The following PLB1 variants were observed in gnomAD, a reference collection of about 807,000 sequenced individuals.
PLB1 encodes the protein phospholipase B1.
PLB1 carries 242 observed loss-of-function variants against 227.4 expected under a neutral mutation model. That is an observed-to-expected ratio of 1.06 (90% CI 0.96 to 1.18). PLB1 has a LOEUF of 1.18. Ranked by LOEUF, PLB1 falls within the 50% of genes most tolerant of loss-of-function variation. The pLI is 0.00. For missense variants in PLB1, 1,858 were observed against 1,816.3 expected (o/e 1.02, Z -0.42); for synonymous variants, 757 against 682.2 (o/e 1.11, Z -1.71).
intron 53 of PLB1, among the ~76,000 whole-genome samples, chr2:28,629,743 C>T (rs1365081377): frequency 1.3e-5 from 2 of 152,192 alleles, no homozygotes; most frequent in African/African-American, 4.8e-5. Context: ...CTTGATGGGG[C>T]CTGTCCTTGA....
chr2:28,601,207 A>G (rs918807376), intron 36 of PLB1, 45 bp from the exon 37 acceptor site: 1 of 1,511,904 alleles, frequency 6.6e-7, no homozygotes, highest in South Asian at 1.1e-5. Flanking sequence ...GGATATTTTC[A>G]TTTCCTTGTT....
intron 35 of PLB1, among the ~76,000 whole-genome samples, chr2:28,600,027 C>T (rs1683616644): frequency 6.6e-6 from 1 of 152,174 alleles, no homozygotes; most frequent in Admixed American, 6.5e-5. Context: ...CCCACCTCAG[C>T]CTCCCTAGTA....
At chr2:28,576,528 G>A (rs1271770461) in intron 21 of PLB1, among the ~76,000 whole-genome samples, 12 of 152,176 alleles carry the variant, frequency 7.9e-5, no homozygotes, top group African/African-American at 2.9e-4. Context: ...TCAGGAGTTC[G>A]AGATCAGTCT....
At chr2:28,577,042 G>T (rs1679078735) in intron 21 of PLB1, among the ~76,000 whole-genome samples, 1 of 152,216 alleles carries the variant, frequency 6.6e-6, no homozygotes, top group African/African-American at 2.4e-5. Flanking sequence ...CATACTACGT[G>T]CCAAGCACTG....
At chr2:28,520,183 C>T (rs1218447593) in intron 4 of PLB1, among the ~76,000 whole-genome samples, 1 of 151,834 alleles carries the variant, frequency 6.6e-6, no homozygotes, top group Admixed American at 6.6e-5. Flanking sequence ...CCGCCTTGGC[C>T]CCCCAAAGTG....
chr2:28,600,914 T>G, intron 36 of PLB1, 54 bp downstream of exon 36: 1 of 1,510,282 alleles, frequency 6.6e-7, no homozygotes, highest in Non-Finnish European at 9.1e-7. Context: ...CCACTAAAGT[T>G]GTCTCCAAAC....
chr2:28,522,731 A>T (rs570133471), intron 4 of PLB1, among the ~76,000 whole-genome samples: 2 of 152,266 alleles, frequency 1.3e-5, no homozygotes, highest in Non-Finnish European at 2.9e-5. Flanking sequence ...CCCCCTTCTC[A>T]GGAACACGAC....
intron 43 of PLB1, among the ~76,000 whole-genome samples, chr2:28,609,474 T>A (rs1685136777): frequency 6.6e-6 from 1 of 152,018 alleles, no homozygotes; most frequent in African/African-American, 2.4e-5. Context: ...AGTTCATGTA[T>A]CATACCCTAT....
intron 56 of PLB1, among the ~76,000 whole-genome samples, chr2:28,636,953 C>G (rs1689434420): frequency 6.6e-6 from 1 of 152,046 alleles, no homozygotes; most frequent in South Asian, 2.1e-4. Context: ...ATCTGTTGCT[C>G]ACTTATGATT....
chr2:28,624,047 G>T (rs146172780), intron 49 of PLB1, among the ~76,000 whole-genome samples: 4 of 152,144 alleles, frequency 2.6e-5, no homozygotes, highest in African/African-American at 9.7e-5. Flanking sequence ...GCAGTGAGCC[G>T]TGATCACACC....
At chr2:28,545,509 A>G (rs1203214743) in intron 14 of PLB1, among the ~76,000 whole-genome samples, 1 of 151,400 alleles carries the variant, frequency 6.6e-6, no homozygotes, top group African/African-American at 2.4e-5. Flanking sequence ...GAGCCAGAAA[A>G]CCCGGGCTCT....
Position 28,566,690 on chromosome 2 carries a change from C to A in PLB1, c.1281-106C>A, listed in dbSNP as rs1276273310. On this transcript the variant is annotated intron_variant, in intron 19 of 57. Transcript: ENST00000327757. The stretch of plus-strand genomic sequence containing the variant: ...GATGGGGAAAGTGCAAGCTCCAGGC[C>A]CCCGGGCTGTTTCTCGGGAGACGGG... 13 of 1,280,526 alleles carry A rather than the reference C, an allele frequency of 1.0e-5. No homozygotes were observed. In the East Asian group the frequency reaches 2.3e-4, roughly 23 times the overall value. 79.3% of individuals were successfully genotyped at this position (1,280,526 alleles called of 1,614,324 possible). A position where few individuals can be genotyped will look rare whatever the true frequency, so the allele number is the denominator to read the frequency against.
At chr2:28,578,075 C>T (rs748692286) in intron 21 of PLB1, 32 bp from the exon 22 acceptor site, 2 of 1,611,390 alleles carry the variant, frequency 1.2e-6, no homozygotes, top group Non-Finnish European at 1.7e-6. Context: ...GTCCCCACTC[C>T]TCACAGCACT....
At position 28,630,640 on chromosome 2, in the gene PLB1, G is replaced by A; in HGVS notation, c.3873G>A (p.Leu1291=). Residue 1291 remains leucine, a synonymous_variant, in exon 54 of 58, where the codon CTG becomes CTA. Transcript: ENST00000327757. ...HSQSSLEKQE[L]KKVNWNLQHG... ...AAAGCTCCCTGGAGAAGCAAGAACTGAAGAAAGTGAACTGGAACCTCCAGG... is the reference window on the plus strand; with the variant it reads ...AAAGCTCCCTGGAGAAGCAAGAACTAAAGAAAGTGAACTGGAACCTCCAGG... 1 of 1,613,214 alleles carries A rather than the reference G, an allele frequency of 6.2e-7. No homozygotes were observed. The highest frequency in any genetic ancestry group is 8.5e-7 in the Non-Finnish European group (1 of 1,179,598).
intron 57 of PLB1, among the ~76,000 whole-genome samples, chr2:28,641,889 G>T (rs919765519): frequency 6.6e-6 from 1 of 152,042 alleles, no homozygotes; most frequent in Non-Finnish European, 1.5e-5. Flanking sequence ...ATCCTTGCCT[G>T]ATCCCTACTG....
chr2:28,586,219 G>A (rs926195559), intron 26 of PLB1, among the ~76,000 whole-genome samples: 1 of 152,142 alleles, frequency 6.6e-6, no homozygotes, highest in South Asian at 2.1e-4. Context: ...AAACTTCTCT[G>A]AACTTCCAGC....
intron 7 of PLB1, 134 bp from the exon 8 acceptor site, chr2:28,529,594 A>G (rs1345566766): frequency 9.9e-7 from 1 of 1,014,090 alleles, no homozygotes; most frequent in Non-Finnish European, 1.5e-6. Context: ...AAAACAGGTC[A>G]ATGCCCACCC....
intron 29 of PLB1, 27 bp from the exon 30 acceptor site, chr2:28,591,106 C>T: frequency 4.3e-6 from 7 of 1,614,038 alleles, no homozygotes; most frequent in Non-Finnish European, 5.9e-6. Flanking sequence ...GAATTTGCTG[C>T]CATTGCTCAC....
intron 4 of PLB1, among the ~76,000 whole-genome samples, chr2:28,522,117 GC>G (rs144348766): frequency 0.12 from 18,222 of 151,814 alleles, 1,320 homozygotes; most frequent in East Asian, 0.35. Flanking sequence ...TGGACTCCCT[GC>G]CCTAGACAGT....
Sources: gnomAD v4.1 joint callset for allele counts (sites outside exome capture counted in the v4.1 genomes callset) on GRCh38, gnomAD v4.1.1 for gene constraint, MANE v1.5 for transcripts, NCBI Gene and HGNC (gene_info 2026-07-23, HGNC 2026-07-21) for gene names.